The following TRPM3 variants were observed in gnomAD, a reference collection of about 807,000 sequenced individuals.
TRPM3 encodes the protein transient receptor potential cation channel subfamily M member 3.
Under a neutral mutation model 181.2 loss-of-function variants are expected in TRPM3, and 77 were observed. That is an observed-to-expected ratio of 0.42 (90% CI 0.35 to 0.51). The LOEUF (loss-of-function observed/expected upper bound fraction) is 0.51, where lower values mean the gene tolerates loss of function less well. Among genes scored for constraint, TRPM3 ranks in the 20% least tolerant of loss-of-function variants. TRPM3 has a pLI of 0.01. For missense variants in TRPM3, 1,759 were observed against 2,196.7 expected (o/e 0.80, Z 3.98); for synonymous variants, 745 against 796.4 (o/e 0.94, Z 1.09).
At chr9:70,762,394 T>A (rs1056721906) in intron 7 of TRPM3, among the ~76,000 whole-genome samples, 1 of 152,206 alleles carries the variant, frequency 6.6e-6, no homozygotes, top group East Asian at 1.9e-4. Flanking sequence ...GAAAGAGGCA[T>A]CATATCTAAT....
chr9:71,059,698 A>G (rs1314995698), intron 1 of TRPM3, among the ~76,000 whole-genome samples: 6 of 152,216 alleles, frequency 3.9e-5, no homozygotes, highest in African/African-American at 1.4e-4. Context: ...TCCCTGGAAG[A>G]AGAAATTCTG....
At chr9:71,410,797 C>A (rs2093532303) in intron 1 of TRPM3, among the ~76,000 whole-genome samples, 1 of 152,042 alleles carries the variant, frequency 6.6e-6, no homozygotes, top group South Asian at 2.1e-4. Context: ...CTGGCAGAGA[C>A]AACTAAAAAA....
chr9:70,819,271 C>T (rs2092964462), intron 6 of TRPM3, among the ~76,000 whole-genome samples: 2 of 152,156 alleles, frequency 1.3e-5, no homozygotes, highest in South Asian at 4.1e-4. Flanking sequence ...TCCCACCTCT[C>T]ACATTTTAAA....
chr9:70,656,595 AAC>A (rs1397749310), intron 9 of TRPM3, among the ~76,000 whole-genome samples: 2 of 152,240 alleles, frequency 1.3e-5, no homozygotes, highest in Non-Finnish European at 1.5e-5. Flanking sequence ...GGCAGTCCAT[AAC>A]TGTAAATGAT....
At chr9:71,148,851 T>G (rs1305460552) in intron 1 of TRPM3, among the ~76,000 whole-genome samples, 1 of 152,066 alleles carries the variant, frequency 6.6e-6, no homozygotes, top group Non-Finnish European at 1.5e-5. Flanking sequence ...AAATCAAATC[T>G]GTGGTCATTA....
chr9:70,562,147 A>G (rs2049262537), intron 22 of TRPM3, among the ~76,000 whole-genome samples: 1 of 152,252 alleles, frequency 6.6e-6, no homozygotes, highest in South Asian at 2.1e-4. Context: ...TTAACAAAAA[A>G]TATTTAAGAG....
At chr9:71,097,468 G>A (rs749415857) in intron 1 of TRPM3, among the ~76,000 whole-genome samples, 4 of 151,878 alleles carry the variant, frequency 2.6e-5, no homozygotes, top group Non-Finnish European at 5.9e-5. Flanking sequence ...GAAAATATAC[G>A]TACATTTTTT....
rs752762963 is a variant in TRPM3, at chr9:70,535,917, G to T, written c.*36C>A. 5.9e-6 allele frequency: 9 copies of T among 1,536,840 alleles called. No homozygotes were observed. Among genetic ancestry groups the T allele is most frequent in the Non-Finnish European group, 7.0e-6 (8 of 1,145,104 alleles). On this transcript the variant is annotated 3_prime_UTR_variant, in exon 26 of 26. Transcript: ENST00000677713. ...GGAGTTGGAGAGAATTTTAGGGCTG[G>T]ATTCTTGAGCCTTCTGTGGCGGATA...
In TRPM3 at chr9:71,295,348, G is replaced by A. The variant is rs189998339; in HGVS notation, c.183+151305C>T. Among the ~76,000 whole-genome samples, 116 of 151,182 alleles carry A rather than the reference G, an allele frequency of 7.7e-4. 1 individual carries two copies. The highest frequency in any genetic ancestry group is 2.7e-3 in the African/African-American group (112 of 41,176). ...CTATTGTAGAATGAGAGCTCATGCC[G>A]AATGTTGAATATTAGAAGGCTTGAA... On this transcript the variant is annotated intron_variant, in intron 1 of 24. Coordinates refer to the TRPM3 transcript ENST00000357533.
chr9:71,411,895 C>A (rs919956315), intron 1 of TRPM3, among the ~76,000 whole-genome samples: 1 of 152,150 alleles, frequency 6.6e-6, no homozygotes, highest in African/African-American at 2.4e-5. Flanking sequence ...GGTACCAGAA[C>A]AGAGACATAG....
chr9:70,859,206 A>G (rs2095463992), intron 3 of TRPM3, among the ~76,000 whole-genome samples: 1 of 152,164 alleles, frequency 6.6e-6, no homozygotes. Flanking sequence ...TGGGTTCCAC[A>G]AAGTATATAG....
At chr9:70,660,852 C>T (rs1215131050) in intron 9 of TRPM3, among the ~76,000 whole-genome samples, 1 of 152,042 alleles carries the variant, frequency 6.6e-6, no homozygotes, top group East Asian at 1.9e-4. Context: ...TTCCACCAGA[C>T]ATTCAAAGAA....
intron 1 of TRPM3, among the ~76,000 whole-genome samples, chr9:71,029,956 A>C (rs2057080099): frequency 1.3e-5 from 2 of 152,316 alleles, no homozygotes; most frequent in South Asian, 4.1e-4. Flanking sequence ...GGAGCTACTC[A>C]AGGGGTCCAA....
intron 1 of TRPM3, among the ~76,000 whole-genome samples, chr9:70,910,640 C>T (rs1362990498): frequency 2.0e-5 from 3 of 152,136 alleles, no homozygotes; most frequent in Admixed American, 6.6e-5. Flanking sequence ...ACTTTCTATG[C>T]TCTTCAGCTT....
intron 9 of TRPM3, among the ~76,000 whole-genome samples, chr9:70,649,034 C>T (rs2059277843): frequency 6.6e-6 from 1 of 152,066 alleles, no homozygotes; most frequent in Admixed American, 6.6e-5. Context: ...ACAAAATAAA[C>T]TATCAACAGA....
chr9:70,655,329 A>T (rs1360671144), intron 9 of TRPM3, among the ~76,000 whole-genome samples: 1 of 149,232 alleles, frequency 6.7e-6, no homozygotes, highest in African/African-American at 2.5e-5. Flanking sequence ...AAAAAAAAAA[A>T]AGAAAAAGAA....
chr9:70,544,186 T>C (rs752094468), intron 25 of TRPM3, among the ~76,000 whole-genome samples: 6 of 152,166 alleles, frequency 3.9e-5, no homozygotes, highest in African/African-American at 7.2e-5. Context: ...AAATTGGAGA[T>C]AGATAAAAGC....
chr9:70,649,702 T>C (rs1340965327), intron 9 of TRPM3, among the ~76,000 whole-genome samples: 1 of 152,158 alleles, frequency 6.6e-6, no homozygotes, highest in African/African-American at 2.4e-5. Context: ...TAATAAGCAT[T>C]ATTATAATGT....
At chr9:70,562,754 G>A (rs562719700) in intron 22 of TRPM3, among the ~76,000 whole-genome samples, 1 of 152,008 alleles carries the variant, frequency 6.6e-6, no homozygotes, top group Non-Finnish European at 1.5e-5. Flanking sequence ...TTTGAAGAGG[G>A]CTTCAAAATT....
Sources: allele counts gnomAD v4.1 joint callset (sites outside exome capture counted in the v4.1 genomes callset), GRCh38; gene constraint gnomAD v4.1.1; transcripts MANE v1.5; gene names NCBI Gene and HGNC (gene_info 2026-07-23, HGNC 2026-07-21).